Variants in STIM2 observed in about 807,000 individuals in gnomAD.
The protein encoded by STIM2 is stromal interaction molecule 2.
In STIM2, 31 loss-of-function variants were observed where a neutral mutation model predicts 85.8. The ratio of observed to expected loss-of-function variants is 0.36; its 90% CI spans 0.27 to 0.49. The LOEUF is 0.49. STIM2 is among the 20% of genes least tolerant of loss of function. The probability of loss-of-function intolerance (pLI) is 0.98; values close to 1 mark genes in which losing one functional copy is unlikely to be tolerated. For missense variants in STIM2, 841 were observed against 927.6 expected, an observed-to-expected ratio of 0.91 and a Z score of 1.21; for synonymous variants, 356 against 331.1, an observed-to-expected ratio of 1.08 and a Z score of -0.82.
chr4:26,882,437 A>ATTTC (rs56199029), intron 1 of STIM2, among the ~76,000 whole-genome samples: 72,541 of 149,342 alleles, frequency 0.49, 17,674 homozygotes, highest in East Asian at 0.63. Flanking sequence ...AGTTTCTTAA[A>ATTTC]TTTCTTTCTT....
chr4:26,985,039 T>C (rs1326936240), intron 3 of STIM2, among the ~76,000 whole-genome samples: 1 of 152,204 alleles, frequency 6.6e-6, no homozygotes, highest in Non-Finnish European at 1.5e-5. Flanking sequence ...AGGAATTTAC[T>C]CCATGTTACA....
At chr4:26,880,308 A>AT (rs1471998669) in intron 1 of STIM2, among the ~76,000 whole-genome samples, 2 of 151,408 alleles carry the variant, frequency 1.3e-5, no homozygotes, top group Non-Finnish European at 2.9e-5. Context: ...TTGGTTTTGT[A>AT]TTTTTTCAGG....
chr4:26,963,271 A>G (rs1339087335), intron 3 of STIM2, among the ~76,000 whole-genome samples: 1 of 152,170 alleles, frequency 6.6e-6, no homozygotes, highest in Non-Finnish European at 1.5e-5. Context: ...AAAAATATCT[A>G]GAACCTTTAT....
intron 1 of STIM2, 41 bp downstream of exon 1, chr4:26,861,410 C>T (rs1398067538): frequency 1.6e-6 from 2 of 1,281,450 alleles, no homozygotes; most frequent in African/African-American, 3.1e-5. Flanking sequence ...CGGCCGGCAG[C>T]GATGGGACCC....
chr4:26,934,574 A>G (rs1044138234), intron 2 of STIM2, among the ~76,000 whole-genome samples: 1 of 152,226 alleles, frequency 6.6e-6, no homozygotes, highest in South Asian at 2.1e-4. Flanking sequence ...TTTTATGATT[A>G]AAATTAGTTC....
At chr4:26,971,597 G>T (rs541866365) in intron 3 of STIM2, among the ~76,000 whole-genome samples, 2 of 152,232 alleles carry the variant, frequency 1.3e-5, no homozygotes, top group South Asian at 4.2e-4. Context: ...TGTTCCATTG[G>T]TCTATATATC....
At chr4:26,952,174 G>A (rs974110265) in intron 2 of STIM2, among the ~76,000 whole-genome samples, 5 of 152,046 alleles carry the variant, frequency 3.3e-5, no homozygotes, top group African/African-American at 1.2e-4. Flanking sequence ...TTTGGGTGGG[G>A]ACACATCCAA....
At chr4:26,865,459 A>G (rs973675976) in intron 1 of STIM2, among the ~76,000 whole-genome samples, 2 of 152,104 alleles carry the variant, frequency 1.3e-5, no homozygotes, top group African/African-American at 4.8e-5. Flanking sequence ...TAGCTTGCCA[A>G]AGACTTGCTT....
At chr4:26,946,824 T>G (rs1374599707) in intron 2 of STIM2, among the ~76,000 whole-genome samples, 5 of 152,214 alleles carry the variant, frequency 3.3e-5, no homozygotes, top group Non-Finnish European at 7.3e-5. Flanking sequence ...CGCGGTCTCT[T>G]GTGTTATTTC....
chr4:26,913,072 A>G (rs1393356700), intron 1 of STIM2, among the ~76,000 whole-genome samples: 1 of 152,128 alleles, frequency 6.6e-6, no homozygotes, highest in Non-Finnish European at 1.5e-5. Context: ...GTCTGTGCTT[A>G]TTGTGGGTTC....
At chr4:26,951,004 T>G (rs1033020037) in intron 2 of STIM2, among the ~76,000 whole-genome samples, 1 of 152,222 alleles carries the variant, frequency 6.6e-6, no homozygotes, top group Non-Finnish European at 1.5e-5. Context: ...TGTAATTTTA[T>G]TAAATATCAG....
chr4:27,014,421 T>G (rs1728665758), intron 10 of STIM2, among the ~76,000 whole-genome samples: 1 of 151,830 alleles, frequency 6.6e-6, no homozygotes, highest in Non-Finnish European at 1.5e-5. Context: ...GTCACTTCCT[T>G]GAAATATGAA....
intron 1 of STIM2, among the ~76,000 whole-genome samples, chr4:26,890,107 A>G (rs1181376804): frequency 2.0e-5 from 3 of 152,076 alleles, no homozygotes; most frequent in African/African-American, 7.2e-5. Context: ...CTTCATTACT[A>G]TCCCTGTCCC....
intron 1 of STIM2, among the ~76,000 whole-genome samples, chr4:26,866,295 A>G (rs1009143540): frequency 6.6e-6 from 1 of 152,184 alleles, no homozygotes; most frequent in Non-Finnish European, 1.5e-5. Context: ...CACTTCTAGT[A>G]GGTAGCAGAG....
intron 1 of STIM2, among the ~76,000 whole-genome samples, chr4:26,876,771 A>G (rs1224085166): frequency 6.6e-6 from 1 of 151,984 alleles, no homozygotes; most frequent in African/African-American, 2.4e-5. Flanking sequence ...ATTATACTTT[A>G]CAGTTCAGGT....
At chr4:26,979,659 A>G (rs966027573) in intron 3 of STIM2, among the ~76,000 whole-genome samples, 5 of 152,224 alleles carry the variant, frequency 3.3e-5, no homozygotes, top group Non-Finnish European at 7.3e-5. Context: ...TATAATTAAA[A>G]CATATAAAGG....
intron 1 of STIM2, among the ~76,000 whole-genome samples, chr4:26,892,521 AT>A (rs1053647393): frequency 2.0e-5 from 3 of 151,966 alleles, no homozygotes; most frequent in African/African-American, 7.3e-5. Flanking sequence ...TAACATATGA[AT>A]TTTTTTGGGG....
intron 1 of STIM2, among the ~76,000 whole-genome samples, chr4:26,904,752 GT>G (rs1175447939): frequency 6.7e-6 from 1 of 149,936 alleles, no homozygotes; most frequent in Non-Finnish European, 1.5e-5. Flanking sequence ...GGTTGAGAGT[GT>G]TTTGTCTTTT....
At chr4:26,999,391 C>A in intron 5 of STIM2, 44 bp downstream of exon 5, 1 of 1,192,466 alleles carries the variant, frequency 8.4e-7, no homozygotes, top group Non-Finnish European at 1.2e-6. Context: ...AAAGAATATC[C>A]TGATCATCTC....
Sources: gnomAD v4.1 joint callset for allele counts (sites outside exome capture counted in the v4.1 genomes callset) on GRCh38, gnomAD v4.1.1 for gene constraint, MANE v1.5 for transcripts, NCBI Gene and HGNC (gene_info 2026-07-23, HGNC 2026-07-21) for gene names.